ANO1: variants seen among roughly 807,000 people sequenced by gnomAD.
ANO1 encodes anoctamin-1.
Under a neutral mutation model 124.0 loss-of-function variants are expected in ANO1, and 59 were observed. That is an observed-to-expected ratio of 0.48 (90% confidence interval 0.39 to 0.59). ANO1 has a LOEUF of 0.59. Among genes scored for constraint, ANO1 ranks in the 20% least tolerant of loss-of-function variants. The pLI, the probability that ANO1 is intolerant of heterozygous loss-of-function variation, is 0.00. For synonymous variants in ANO1, 529 were observed against 532.0 expected, an observed-to-expected ratio of 0.99 and a Z score of 0.08; for missense variants, 1,059 against 1,328.0, an observed-to-expected ratio of 0.80 and a Z score of 3.15.
intron 1 of ANO1, among the ~76,000 whole-genome samples, chr11:70,083,338 C>T (rs1258172192): frequency 6.6e-6 from 1 of 152,066 alleles, no homozygotes; most frequent in African/African-American, 2.4e-5. Flanking sequence ...GAGACAAAAA[C>T]ACGAAGCTGT....
chr11:70,098,357 T>C (rs561102403), intron 2 of ANO1, among the ~76,000 whole-genome samples: 119 of 152,302 alleles, frequency 7.8e-4, no homozygotes, highest in African/African-American at 2.8e-3. Context: ...CCTGGACTGC[T>C]GTGCACAGCA....
intron 1 of ANO1, among the ~76,000 whole-genome samples, chr11:70,020,040 G>T (rs1341422958): frequency 1.3e-5 from 2 of 152,212 alleles, no homozygotes; most frequent in African/African-American, 4.8e-5. Context: ...TTGGGGAGAG[G>T]CCAGCAGGGC....
intron 11 of ANO1, among the ~76,000 whole-genome samples, chr11:70,134,470 C>T (rs2509179): frequency 0.19 from 28,507 of 152,172 alleles, 2,829 homozygotes; most frequent in Middle Eastern, 0.31. Context: ...TCCTCATCTG[C>T]AGAATGAGGC....
intron 22 of ANO1, among the ~76,000 whole-genome samples, chr11:70,172,792 GGAGGCA>G (rs1360560382): frequency 6.6e-6 from 1 of 152,076 alleles, no homozygotes; most frequent in African/African-American, 2.4e-5. Flanking sequence ...CTTGATTCCA[GGAGGCA>G]GAGGTTGCAG....
chr11:70,041,862 G>C (rs1857187977), intron 1 of ANO1, among the ~76,000 whole-genome samples: 1 of 152,128 alleles, frequency 6.6e-6, no homozygotes, highest in African/African-American at 2.4e-5. Context: ...TTATTTTCCT[G>C]CTGTGGGTTA....
intron 7 of ANO1, among the ~76,000 whole-genome samples, chr11:70,112,232 G>C (rs1036773384): frequency 5.0e-4 from 76 of 152,232 alleles, no homozygotes; most frequent in African/African-American, 1.8e-3. Flanking sequence ...GGGGTGGAGA[G>C]AGAGAGAAGA....
rs182212849 is a variant in ANO1, at chr11:70,024,658, C to A, written c.58+38492C>A. Among the ~76,000 whole-genome samples, 428 of 152,280 alleles carry A rather than the reference C, an allele frequency of 2.8e-3. 3 individuals carry two copies. The highest frequency in any genetic ancestry group is 9.8e-3 in the African/African-American group (407 of 41,538). The stretch of plus-strand genomic sequence containing the variant: ...GATGGGGAAACTCGGGCTCAGAGAC[C>A]TTGATTTTGACTCGGGCTCCCAAGT... On this transcript the variant is annotated intron_variant, in intron 1 of 27. Transcript: ENST00000531349.
At chr11:70,041,393 C>T (rs1323897153) in intron 1 of ANO1, among the ~76,000 whole-genome samples, 2 of 152,122 alleles carry the variant, frequency 1.3e-5, no homozygotes, top group African/African-American at 4.8e-5. Flanking sequence ...TGCATGGGGA[C>T]ATTTATACAT....
chr11:70,117,923 G>C (rs2135439628), intron 8 of ANO1, among the ~76,000 whole-genome samples: 1 of 152,232 alleles, frequency 6.6e-6, no homozygotes, highest in Non-Finnish European at 1.5e-5. Flanking sequence ...TTACATATTT[G>C]GTTATTTTTA....
chr11:70,015,117 T>A (rs1233768479), intron 1 of ANO1: 1 of 152,016 alleles, frequency 6.6e-6, no homozygotes. Flanking sequence ...GGCTCGTAAG[T>A]TTTTGTGCTA....
chr11:70,089,432 T>A (rs1263437100), intron 2 of ANO1, among the ~76,000 whole-genome samples: 1 of 152,184 alleles, frequency 6.6e-6, no homozygotes, highest in Non-Finnish European at 1.5e-5. Flanking sequence ...GACAAGTAGA[T>A]ATGACTTTCC....
intron 6 of ANO1, among the ~76,000 whole-genome samples, chr11:70,110,483 G>A (rs2045730270): frequency 6.6e-6 from 1 of 152,086 alleles, no homozygotes; most frequent in African/African-American, 2.4e-5. Context: ...ACTGTGCCGG[G>A]CCCCCATGTT....
intron 20 of ANO1, among the ~76,000 whole-genome samples, 172 bp from the exon 21 acceptor site, chr11:70,167,070 C>T (rs1319081602): frequency 6.6e-6 from 1 of 152,134 alleles, no homozygotes; most frequent in East Asian, 1.9e-4. Context: ...TTGCTTGAAC[C>T]AAGGAGGCAG....
At chr11:70,095,679 A>C (rs1384642399) in intron 2 of ANO1, among the ~76,000 whole-genome samples, 1 of 152,152 alleles carries the variant, frequency 6.6e-6, no homozygotes, top group Non-Finnish European at 1.5e-5. Flanking sequence ...GAAATAGGCC[A>C]CGGTGGGGTA....
intron 10 of ANO1, among the ~76,000 whole-genome samples, chr11:70,128,495 G>A (rs570540436): frequency 1.3e-5 from 2 of 152,236 alleles, no homozygotes; most frequent in South Asian, 4.1e-4. Flanking sequence ...TGCCAGCCCA[G>A]GGGTTGGCCA....
At chr11:70,176,667 C>T (rs968721913) in intron 22 of ANO1, among the ~76,000 whole-genome samples, 3 of 152,102 alleles carry the variant, frequency 2.0e-5, no homozygotes, top group Non-Finnish European at 4.4e-5. Flanking sequence ...GGGAGGAGGG[C>T]ATGAGGAGGC....
At chr11:70,177,662 C>T (rs1257395305) in intron 22 of ANO1, among the ~76,000 whole-genome samples, 8 of 135,290 alleles carry the variant, frequency 5.9e-5, no homozygotes, top group Non-Finnish European at 1.1e-4. Context: ...TGAAGTGGCG[C>T]GATCTCGGCT....
chr11:70,168,136 C>T (rs898588112), intron 21 of ANO1, among the ~76,000 whole-genome samples: 3 of 152,170 alleles, frequency 2.0e-5, no homozygotes, highest in African/African-American at 7.2e-5. Context: ...AGGTGTGGTC[C>T]GCACAGCTCT....
At chr11:69,984,111 C>T (rs1454678168), upstream of ANO1, among the ~76,000 whole-genome samples, 9 of 152,154 alleles carry the variant, frequency 5.9e-5, no homozygotes, top group African/African-American at 2.2e-4. Context: ...CATAACTGAG[C>T]AATTGCCATG....
Sources: allele counts gnomAD v4.1 joint callset (sites outside exome capture counted in the v4.1 genomes callset), GRCh38; gene constraint gnomAD v4.1.1; transcripts MANE v1.5; gene names NCBI Gene and HGNC (gene_info 2026-07-23, HGNC 2026-07-21).